The following NOX3 variants were observed in gnomAD, a reference collection of about 807,000 sequenced individuals.
The protein encoded by NOX3 is NADPH oxidase catalytic subunit-like 3.
NOX3 carries 74 observed loss-of-function variants against 76.7 expected under a neutral mutation model. The ratio of observed to expected loss-of-function variants is 0.96; its 90% confidence interval spans 0.80 to 1.17. The LOEUF is 1.17. Among genes scored for constraint, NOX3 ranks in the 50% most tolerant of loss-of-function variants. NOX3 has a pLI of 0.00. For synonymous variants in NOX3, 263 were observed against 261.1 expected, an observed-to-expected ratio of 1.01 and a Z score of -0.07; for missense variants, 695 against 703.3, an observed-to-expected ratio of 0.99 and a Z score of 0.13.
chr6:155,412,441 C>G (rs1776563302), intron 10 of NOX3, among the ~76,000 whole-genome samples: 1 of 152,134 alleles, frequency 6.6e-6, no homozygotes, highest in South Asian at 2.1e-4. Flanking sequence ...TTAGGCAGGA[C>G]TTTATAATAT....
At chr6:155,435,447 C>T (rs908011457) in intron 7 of NOX3, among the ~76,000 whole-genome samples, 7 of 152,088 alleles carry the variant, frequency 4.6e-5, no homozygotes, top group Non-Finnish European at 1.0e-4. Context: ...CATATCTATT[C>T]CGGTTCTCTC....
intron 4 of NOX3, among the ~76,000 whole-genome samples, 192 bp downstream of exon 4, chr6:155,453,212 G>T (rs7770941): frequency 0.019 from 2,960 of 152,104 alleles, 96 homozygotes; most frequent in African/African-American, 0.067. Context: ...TGAGGTCTTG[G>T]TAGGGGAAAA....
intron 5 of NOX3, among the ~76,000 whole-genome samples, chr6:155,442,072 G>T (rs1288400911): frequency 6.6e-6 from 1 of 152,144 alleles, no homozygotes; most frequent in Non-Finnish European, 1.5e-5. Context: ...AGACCATCCT[G>T]GCTAACACAG....
At chr6:155,423,256 G>A (rs895222361) in intron 9 of NOX3, among the ~76,000 whole-genome samples, 4 of 152,184 alleles carry the variant, frequency 2.6e-5, no homozygotes, top group Admixed American at 6.5e-5. Context: ...AAGCATCAAG[G>A]AAGCTTAGCA....
In NOX3 at chr6:155,426,996, T is replaced by C. The variant is rs1182558021; in HGVS notation, c.1145+1798A>G. Among the ~76,000 whole-genome samples, 305 of 112,642 alleles carry C rather than the reference T, an allele frequency of 2.7e-3. 10 individuals carry two copies. The highest frequency in any genetic ancestry group is 3.7e-3 in the Non-Finnish European group (202 of 54,964). The allele number at this position is 112,642 out of a possible 152,430, so 73.9% of individuals were successfully genotyped here. Reference sequence around the variant, plus strand: ...TTAGACACTGTGGCGTGTGTGTGTGTGTGTGTGTGTGTGTGTGTGTGTGTG... The same window carrying C: ...TTAGACACTGTGGCGTGTGTGTGTGCGTGTGTGTGTGTGTGTGTGTGTGTG... On this transcript the variant is annotated intron_variant, in intron 9 of 13. Coordinates refer to ENST00000159060, the MANE Select transcript of NOX3 (RefSeq NM_015718.3).
chr6:155,441,614 G>A (rs1174884745), intron 5 of NOX3, among the ~76,000 whole-genome samples: 2 of 152,116 alleles, frequency 1.3e-5, no homozygotes, highest in Non-Finnish European at 2.9e-5. Flanking sequence ...CTAAATTAGA[G>A]GGTTTCCTGA....
intron 12 of NOX3, among the ~76,000 whole-genome samples, chr6:155,399,943 C>G (rs769457491): frequency 6.6e-6 from 1 of 152,138 alleles, no homozygotes; most frequent in Non-Finnish European, 1.5e-5. Flanking sequence ...GGAGCTGGAT[C>G]GGGGACAATG....
chr6:155,396,795 T>C lies in NOX3; in HGVS notation c.*27+14A>G. The C allele has an allele frequency of 6.3e-7, 1 of 1,585,502 alleles. No individual in the cohort carries two copies. Among genetic ancestry groups the C allele is most frequent in the Non-Finnish European group, 8.6e-7 (1 of 1,165,156 alleles). On this transcript the variant is annotated intron_variant, in intron 13 of 13. Coordinates refer to ENST00000159060, the MANE Select transcript of NOX3 (RefSeq NM_015718.3). ...GTTTCCCAATCCCTGACCTGTATGA[T>C]TGCAGCCACTTACACAATGCCTGGA...
intron 9 of NOX3, among the ~76,000 whole-genome samples, chr6:155,426,415 G>A (rs1776755344): frequency 6.6e-6 from 1 of 152,154 alleles, no homozygotes; most frequent in Non-Finnish European, 1.5e-5. Flanking sequence ...TATTTAACAT[G>A]CCAGGTGGTG....
intron 12 of NOX3, among the ~76,000 whole-genome samples, chr6:155,406,351 C>T (rs1228718483): frequency 6.6e-6 from 1 of 152,168 alleles, no homozygotes; most frequent in African/African-American, 2.4e-5. Context: ...CAAGGTCACA[C>T]AGCCAGTAAC....
At position 155,412,659 on chromosome 6, in the gene NOX3, A is replaced by G. The variant is rs531304008; in HGVS notation, c.1309-1299T>C. Among the ~76,000 whole-genome samples, 10 of 152,240 alleles carry G rather than the reference A, an allele frequency of 6.6e-5. No individual in the cohort carries two copies. The East Asian group carries it at 1.7e-3, about 26-fold the overall frequency. On this transcript the variant is annotated intron_variant, in intron 10 of 13. Transcript: ENST00000159060. ...CCTTTCCTGACACTTATTTCTTCCTAGGGATGATCTCTGCACAGCCTCTCC... is the reference window on the plus strand; with the variant it reads ...CCTTTCCTGACACTTATTTCTTCCTGGGGATGATCTCTGCACAGCCTCTCC...
intron 7 of NOX3, among the ~76,000 whole-genome samples, chr6:155,432,826 T>C (rs1254263169): frequency 6.6e-6 from 1 of 152,052 alleles, no homozygotes; most frequent in African/African-American, 2.4e-5. Context: ...GATGAGGTGG[T>C]GAAGATGAAC....
At chr6:155,444,173 A>G (rs1777031250) in intron 4 of NOX3, among the ~76,000 whole-genome samples, 1 of 152,198 alleles carries the variant, frequency 6.6e-6, no homozygotes, top group African/African-American at 2.4e-5. Context: ...CCCCCAGTCT[A>G]AAGTTTCACT....
chr6:155,454,764 G>T, intron 3 of NOX3, 47 bp downstream of exon 3: 2 of 1,103,002 alleles, frequency 1.8e-6, no homozygotes, highest in Non-Finnish European at 2.6e-6. Flanking sequence ...GCACTTATAT[G>T]AGGAAGTCGT....
intron 10 of NOX3, among the ~76,000 whole-genome samples, chr6:155,420,110 G>A (rs1386417136): frequency 6.6e-6 from 1 of 152,074 alleles, no homozygotes; most frequent in African/African-American, 2.4e-5. Flanking sequence ...ATTATTTCAC[G>A]AATCTTAATA....
At chr6:155,430,475 C>T (rs765085827) in intron 8 of NOX3, among the ~76,000 whole-genome samples, 9 of 151,874 alleles carry the variant, frequency 5.9e-5, no homozygotes, top group Non-Finnish European at 1.2e-4. Context: ...TATTTGTTTG[C>T]AAAATTTGTG....
intron 3 of NOX3, 87 bp from the exon 4 acceptor site, chr6:155,453,575 C>G (rs1777174285): frequency 6.5e-6 from 7 of 1,075,052 alleles, no homozygotes; most frequent in Non-Finnish European, 8.7e-6. Flanking sequence ...GAATCAGGCT[C>G]TGCCTCTAAA....
At chr6:155,416,498 TTC>T (rs1294756655) in intron 10 of NOX3, among the ~76,000 whole-genome samples, 2 of 152,138 alleles carry the variant, frequency 1.3e-5, no homozygotes, top group Non-Finnish European at 2.9e-5. Flanking sequence ...TGTGTAAAAG[TTC>T]TAGTTTAAAG....
chr6:155,443,286 C>T lies in NOX3; in HGVS notation c.473G>A (p.Arg158Gln), dbSNP rs904017121. 7 of 1,613,436 alleles carry T rather than the reference C, an allele frequency of 4.3e-6. No individual in the cohort carries two copies. Among genetic ancestry groups the T allele is most frequent in the Middle Eastern group, 1.6e-4 (1 of 6,082 alleles). Residue 158 changes from arginine to glutamine, a missense_variant, in exon 5 of 14, where the codon CGG becomes CAG. By Grantham distance (43) the Arg-to-Gln change is conservative. Transcript: ENST00000159060. ...TPNESYLNPV[R>Q]TFPTNTTTEL... ...GCAGGAACTCACTGTGGGGAAGGTCCGGACAGGGTTGAGGTAGCTCTCGTT... is the reference window on the plus strand; with the variant it reads ...GCAGGAACTCACTGTGGGGAAGGTCTGGACAGGGTTGAGGTAGCTCTCGTT...
Sources: allele counts gnomAD v4.1 joint callset (sites outside exome capture counted in the v4.1 genomes callset), GRCh38; gene constraint gnomAD v4.1.1; transcripts MANE v1.5; gene names NCBI Gene and HGNC (gene_info 2026-07-23, HGNC 2026-07-21).